The following TG variants were observed in gnomAD, a reference collection of about 807,000 sequenced individuals.
The protein encoded by TG is thyroid hormones.
Under a neutral mutation model 324.7 loss-of-function variants are expected in TG, and 270 were observed. That is an observed-to-expected ratio of 0.83 (90% CI 0.75 to 0.92). TG has a LOEUF of 0.92. Among genes scored for constraint, TG ranks in the 40% least tolerant of loss-of-function variants. The pLI is 0.00. For synonymous variants in TG, 1,401 were observed against 1,327.0 expected (o/e 1.06, Z -1.21); for missense variants, 3,591 against 3,456.4 (o/e 1.04, Z -0.98).
At chr8:133,122,224 T>C (rs1851200398) in intron 45 of TG, among the ~76,000 whole-genome samples, 1 of 152,184 alleles carries the variant, frequency 6.6e-6, no homozygotes, top group Admixed American at 6.5e-5. Context: ...GAGATTTTCA[T>C]TCCTGAAATT....
At chr8:132,925,103 T>G (rs1821652565) in intron 22 of TG, among the ~76,000 whole-genome samples, 1 of 152,190 alleles carries the variant, frequency 6.6e-6, no homozygotes, top group Admixed American at 6.5e-5. Context: ...GCTTACTGTG[T>G]GCCAGGTGTT....
chr8:133,013,892 A>G (rs774398498), intron 37 of TG, 128 bp downstream of exon 37: 23 of 1,122,472 alleles, frequency 2.0e-5, no homozygotes, highest in Non-Finnish European at 2.7e-5. Flanking sequence ...GGTGGCACTC[A>G]CTTGAGGTAG....
chr8:132,988,923 C>T, intron 35 of TG: 1 of 979,528 alleles, frequency 1.0e-6, no homozygotes, highest in Non-Finnish European at 1.2e-6. Flanking sequence ...TTTCACGTTG[C>T]TCATAAAGAC....
chr8:132,903,174 A>G (rs981067919), intron 16 of TG, among the ~76,000 whole-genome samples: 1 of 152,198 alleles, frequency 6.6e-6, no homozygotes, highest in Non-Finnish European at 1.5e-5. Context: ...GAAAAAAGAT[A>G]AATATGTCCA....
chr8:132,980,455 TC>T (rs929071420), intron 34 of TG, among the ~76,000 whole-genome samples: 1 of 151,474 alleles, frequency 6.6e-6, no homozygotes, highest in African/African-American at 2.4e-5. Context: ...GTGTGGAGGC[TC>T]CCCCCCGGCC....
chr8:132,964,169 T>G (rs1466494459), intron 29 of TG, among the ~76,000 whole-genome samples: 2 of 152,024 alleles, frequency 1.3e-5, no homozygotes, highest in Non-Finnish European at 2.9e-5. Flanking sequence ...GAGAAGGTTC[T>G]GTCAAATCCA....
chr8:132,908,174 G>T lies in TG; in HGVS notation c.3848-12G>T. ...CCCATTGCCTCTGCTGATCTCTGGTGCTTGCCTGCAGGGCCCCAGCTGTGG... is the reference window on the plus strand; with the variant it reads ...CCCATTGCCTCTGCTGATCTCTGGTTCTTGCCTGCAGGGCCCCAGCTGTGG... On this transcript the variant is annotated splice_polypyrimidine_tract_variant and intron_variant, in intron 17 of 47. Transcript: ENST00000220616. 1 of 1,613,654 alleles carries T rather than the reference G, an allele frequency of 6.2e-7. No individual in the cohort carries two copies.
chr8:133,055,044 T>A (rs747950272), intron 41 of TG, among the ~76,000 whole-genome samples: 18 of 152,152 alleles, frequency 1.2e-4, no homozygotes, highest in Admixed American at 3.3e-4. Context: ...AGAGTTTTAG[T>A]CACCTATCTA....
chr8:133,107,330 G>A (rs1225674670), intron 43 of TG, among the ~76,000 whole-genome samples: 1 of 152,138 alleles, frequency 6.6e-6, no homozygotes, highest in Admixed American at 6.5e-5. Context: ...GTGTTTCCAA[G>A]GGCTCTTACT....
rs145809177 is a variant in TG, at chr8:132,935,858, A to G, written c.5035A>G (p.Lys1679Glu). 3.1e-6 allele frequency: 5 copies of G among 1,611,858 alleles called. No homozygotes were observed. The African/African-American group carries it at 4.0e-5, about 13-fold the overall frequency. The change falls in exon 25 of 48, where the codon AAA becomes GAA. Residue 1679 changes from lysine to glutamate, a missense_variant. Lys to Glu is a moderately conservative substitution (Grantham distance 56). Coordinates refer to ENST00000220616, the MANE Select transcript of TG (RefSeq NM_003235.5). ...TCAAGATTCTCCAGCTGTGTATTTG[A>G]AAAAGGGTAGGTTGGTCAGGCTGGT... ...HGQDSPAVYL[K>E]KGQGSTTTLQ...
At chr8:133,009,450 C>T (rs941620842) in intron 35 of TG, among the ~76,000 whole-genome samples, 4 of 152,102 alleles carry the variant, frequency 2.6e-5, no homozygotes, top group African/African-American at 9.7e-5. Context: ...GGAGGTTTAC[C>T]TTCCTCTTGC....
intron 35 of TG, chr8:132,983,715 A>G: frequency 4.2e-6 from 2 of 474,482 alleles, no homozygotes; most frequent in Non-Finnish European, 7.7e-6. Context: ...CGCCCTATCG[A>G]GTAATGACTA....
At chr8:133,039,706 A>G (rs1837793713) in intron 41 of TG, among the ~76,000 whole-genome samples, 1 of 152,236 alleles carries the variant, frequency 6.6e-6, no homozygotes, top group Non-Finnish European at 1.5e-5. Flanking sequence ...GAAAAGTGGT[A>G]TATTTCAGCT....
At chr8:132,892,924 T>C (rs1382824335) in intron 10 of TG, among the ~76,000 whole-genome samples, 1 of 147,994 alleles carries the variant, frequency 6.8e-6, no homozygotes. Flanking sequence ...GTGGTGTGTG[T>C]GTACTGTGTG....
intron 5 of TG, among the ~76,000 whole-genome samples, chr8:132,877,481 G>C (rs1463433168): frequency 1.3e-5 from 2 of 152,134 alleles, no homozygotes; most frequent in African/African-American, 2.4e-5. Flanking sequence ...AGGACAGAAT[G>C]AAATACATGG....
intron 41 of TG, among the ~76,000 whole-genome samples, chr8:133,085,758 T>G (rs1007113854): frequency 2.6e-5 from 4 of 152,222 alleles, no homozygotes; most frequent in African/African-American, 7.2e-5. Flanking sequence ...AAGCATTCTT[T>G]TATTGCTGGT....
chr8:133,021,562 A>G (rs185254629), intron 39 of TG, among the ~76,000 whole-genome samples: 1 of 152,226 alleles, frequency 6.6e-6, no homozygotes, highest in Non-Finnish European at 1.5e-5. Flanking sequence ...GGCTTAAACA[A>G]CAGAGAGATT....
chr8:133,104,624 T>C (rs1849632599), intron 43 of TG, among the ~76,000 whole-genome samples: 1 of 152,098 alleles, frequency 6.6e-6, no homozygotes, highest in South Asian at 2.1e-4. Flanking sequence ...AAAGAAAGCA[T>C]TTCCAAAAGG....
chr8:132,874,469 G>C (rs1192960760), intron 5 of TG, among the ~76,000 whole-genome samples: 2 of 152,208 alleles, frequency 1.3e-5, no homozygotes, highest in Admixed American at 1.3e-4. Flanking sequence ...ATTTGGAGTA[G>C]AAAGAAATAT....
Sources: gnomAD v4.1 joint callset for allele counts (sites outside exome capture counted in the v4.1 genomes callset) on GRCh38, gnomAD v4.1.1 for gene constraint, MANE v1.5 for transcripts, NCBI Gene and HGNC (gene_info 2026-07-23, HGNC 2026-07-21) for gene names.